Variants in BCAS3 observed in about 807,000 individuals in gnomAD.
BCAS3 encodes the protein BCAS4/BCAS3 fusion.
A neutral mutation model predicts 116.1 loss-of-function variants in BCAS3; 53 were observed. That is an observed-to-expected ratio of 0.46 (90% CI 0.37 to 0.57). The LOEUF (loss-of-function observed/expected upper bound fraction) is 0.57, where lower values mean the gene tolerates loss of function less well. BCAS3 is among the 20% of genes least tolerant of loss of function. The probability of loss-of-function intolerance (pLI) is 0.00; values close to 1 mark genes in which losing one functional copy is unlikely to be tolerated. For missense variants in BCAS3, 917 were observed against 1,165.4 expected (o/e 0.79, Z 3.10); for synonymous variants, 391 against 408.2 (o/e 0.96, Z 0.51).
chr17:61,120,740 A>G (rs1328348879), intron 22 of BCAS3, among the ~76,000 whole-genome samples: 1 of 152,156 alleles, frequency 6.6e-6, no homozygotes, highest in Admixed American at 6.5e-5. Flanking sequence ...ACAAAGTATT[A>G]TCATGCCTGA....
rs2081702441 is a variant in BCAS3 at position 61,214,998 on chromosome 17, A to G, written c.2425+130434A>G. Among the ~76,000 whole-genome samples, 1 of 152,234 alleles carries G rather than the reference A, an allele frequency of 6.6e-6. No homozygotes were observed. The highest frequency in any genetic ancestry group is 2.4e-5 in the African/African-American group (1 of 41,454). On this transcript the variant is annotated intron_variant, in intron 22 of 23. Coordinates refer to ENST00000407086, the MANE Select transcript of BCAS3 (RefSeq NM_017679.5). The surrounding 1 kb of genome is among the most constrained non-coding windows in gnomAD (Gnocchi z 4.4). Reference sequence around the variant, plus strand: ...CCTCTATATACCTCTTACACCCACTAGATAGAACTAATCAGGATCTCTTTT... The same window carrying G: ...CCTCTATATACCTCTTACACCCACTGGATAGAACTAATCAGGATCTCTTTT...
At chr17:60,749,900 G>T (rs2144274929) in intron 6 of BCAS3, among the ~76,000 whole-genome samples, 1 of 152,292 alleles carries the variant, frequency 6.6e-6, no homozygotes, top group South Asian at 2.1e-4. Context: ...GGGCACGGTG[G>T]TTCATGCCTG....
At chr17:60,742,782 A>G (rs963500321) in intron 5 of BCAS3, among the ~76,000 whole-genome samples, 27 of 151,858 alleles carry the variant, frequency 1.8e-4, no homozygotes, top group African/African-American at 6.3e-4. Flanking sequence ...AGTAAAAACA[A>G]CTCAGAGGTC....
intron 22 of BCAS3, among the ~76,000 whole-genome samples, chr17:61,148,061 A>G (rs1183630901): frequency 6.6e-6 from 1 of 152,218 alleles, no homozygotes; most frequent in East Asian, 1.9e-4. Context: ...AGTATGTGCT[A>G]AATTCCACAA....
At chr17:60,775,848 G>A (rs905077200) in intron 6 of BCAS3, among the ~76,000 whole-genome samples, 1 of 152,150 alleles carries the variant, frequency 6.6e-6, no homozygotes, top group African/African-American at 2.4e-5. Context: ...TCTTATGGAT[G>A]AGGGGGTCAT....
intron 22 of BCAS3, among the ~76,000 whole-genome samples, chr17:61,159,893 A>G (rs934552783): frequency 2.0e-5 from 3 of 152,216 alleles, no homozygotes; most frequent in Non-Finnish European, 4.4e-5. Context: ...TGTGTATTCT[A>G]TGCAAAAGAT....
chr17:60,843,368 C>T (rs1273959701), intron 7 of BCAS3, among the ~76,000 whole-genome samples: 1 of 151,882 alleles, frequency 6.6e-6, no homozygotes, highest in African/African-American at 2.4e-5. Flanking sequence ...AGGCACACAC[C>T]ACCACGCCTG....
chr17:60,897,693 A>AGTTTT (rs1407816225), intron 10 of BCAS3, among the ~76,000 whole-genome samples: 1 of 151,784 alleles, frequency 6.6e-6, no homozygotes, highest in Non-Finnish European at 1.5e-5. Context: ...TGATGTAGTC[A>AGTTTT]GTTTTATTTT....
intron 22 of BCAS3, among the ~76,000 whole-genome samples, chr17:61,319,377 A>G (rs892218962): frequency 5.3e-5 from 8 of 152,232 alleles, no homozygotes; most frequent in Non-Finnish European, 1.0e-4. Context: ...ACTCGGATGT[A>G]CAATCTAGCT....
intron 19 of BCAS3, among the ~76,000 whole-genome samples, chr17:61,044,461 A>ATAT (rs1288025712): frequency 2.4e-5 from 3 of 127,176 alleles, no homozygotes; most frequent in African/African-American, 9.5e-5. Context: ...AAAAAAAAAA[A>ATAT]AAAAATATAT....
chr17:61,104,698 A>G lies in BCAS3; in HGVS notation c.2425+20134A>G, dbSNP rs970078831. 1.3e-5 allele frequency among the ~76,000 whole-genome samples: 2 copies of G among 152,198 alleles called. No individual in the cohort carries two copies. The highest frequency in any genetic ancestry group is 4.8e-5 in the African/African-American group (2 of 41,444). ...ATTCTGCTTCATTAAAGGACTTTAGATGATCATCTTAAAGCTTTAAAGAAA... is the reference window on the plus strand; with the variant it reads ...ATTCTGCTTCATTAAAGGACTTTAGGTGATCATCTTAAAGCTTTAAAGAAA... On this transcript the variant is annotated intron_variant, in intron 22 of 23. Coordinates refer to ENST00000407086, the MANE Select transcript of BCAS3 (RefSeq NM_017679.5). This position sits in a 1 kb window ranked among gnomAD's most constrained non-coding sequence, Gnocchi z 4.1.
At chr17:61,165,760 A>AT (rs1818250577) in intron 22 of BCAS3, among the ~76,000 whole-genome samples, 1 of 152,108 alleles carries the variant, frequency 6.6e-6, no homozygotes, top group South Asian at 2.1e-4. Context: ...TTATCCTACT[A>AT]TTTTTTCAAA....
In BCAS3 at chr17:61,220,896, C is replaced by T. The variant is rs1376886096; in HGVS notation, c.2425+136332C>T. Among the ~76,000 whole-genome samples, 3 of 152,044 alleles carry T rather than the reference C, an allele frequency of 2.0e-5. No individual in the cohort carries two copies. Among genetic ancestry groups the T allele is most frequent in the Non-Finnish European group, 2.9e-5 (2 of 68,000 alleles). On this transcript the variant is annotated intron_variant, in intron 22 of 23. Coordinates refer to ENST00000407086, the MANE Select transcript of BCAS3 (RefSeq NM_017679.5). This position sits in a 1 kb window ranked among gnomAD's most constrained non-coding sequence, Gnocchi z 4.5. Reference sequence around the variant, plus strand: ...TGGGTGGATCACGAGGTCAGGAGATCGAGACCATCCTGGCCAACACGGTGA... The same window carrying T: ...TGGGTGGATCACGAGGTCAGGAGATTGAGACCATCCTGGCCAACACGGTGA...
intron 22 of BCAS3, among the ~76,000 whole-genome samples, chr17:61,164,663 C>T (rs2078378765): frequency 6.6e-6 from 1 of 152,160 alleles, no homozygotes; most frequent in South Asian, 2.1e-4. Flanking sequence ...TTGCTTCTGC[C>T]TTCCATCTTC....
intron 7 of BCAS3, among the ~76,000 whole-genome samples, chr17:60,857,394 C>T (rs186174342): frequency 1.3e-5 from 2 of 152,226 alleles, no homozygotes; most frequent in African/African-American, 4.8e-5. Context: ...AAGGTCATAG[C>T]CCCATGTTTA....
At chr17:61,123,605 T>C (rs1302544487) in intron 22 of BCAS3, among the ~76,000 whole-genome samples, 1 of 152,024 alleles carries the variant, frequency 6.6e-6, no homozygotes, top group Non-Finnish European at 1.5e-5. Context: ...AAGTCTTTTT[T>C]TTTTCCTATT....
chr17:60,966,662 C>CTT (rs754857618), intron 14 of BCAS3, among the ~76,000 whole-genome samples: 38 of 133,060 alleles, frequency 2.9e-4, no homozygotes, highest in East Asian at 2.8e-3. Flanking sequence ...TATCACCCAA[C>CTT]TTTTTTTTTT....
intron 22 of BCAS3, among the ~76,000 whole-genome samples, chr17:61,308,847 C>CATTATTATGGTTTGTAAACA: frequency 6.6e-6 from 1 of 152,266 alleles, no homozygotes; most frequent in East Asian, 1.9e-4. Flanking sequence ...AAACATTCAC[C>CATTATTATGGTTTGTAAACA]TTCTTTATTA....
At chr17:61,089,722 G>A (rs536253134) in intron 22 of BCAS3, among the ~76,000 whole-genome samples, 2 of 151,526 alleles carry the variant, frequency 1.3e-5, no homozygotes, top group East Asian at 1.9e-4. Flanking sequence ...AGTAGAGTCG[G>A]GGTTTCACCA....
Sources: gnomAD v4.1 joint callset for allele counts (sites outside exome capture counted in the v4.1 genomes callset) on GRCh38, gnomAD v4.1.1 for gene constraint, Gnocchi (gnomAD v3.1) non-coding constraint, MANE v1.5 for transcripts, NCBI Gene and HGNC (gene_info 2026-07-23, HGNC 2026-07-21) for gene names.